DCX: variants seen among roughly 807,000 people sequenced by gnomAD.
DCX encodes the protein doublecortin.
DCX carries 4 observed loss-of-function variants against 20.9 expected under a neutral mutation model. The ratio of observed to expected loss-of-function variants is 0.19; its 90% CI spans 0.09 to 0.44. The LOEUF is 0.44. Ranked by LOEUF, DCX falls within the 20% of genes least tolerant of loss-of-function variation. The pLI is 0.99. For missense variants in DCX, 133 were observed against 296.9 expected, an observed-to-expected ratio of 0.45 and a Z score of 4.06; for synonymous variants, 103 against 111.4, an observed-to-expected ratio of 0.92 and a Z score of 0.47.
In DCX at chrX:111,295,856, C is replaced by A. The variant is rs771684624; in HGVS notation, c.*5831G>T. 9.0e-6 allele frequency: 1 copy of A among 111,466 alleles called. No individual in the cohort carries two copies. Among genetic ancestry groups the A allele is most frequent in the Non-Finnish European group, 1.9e-5 (1 of 53,171 alleles). 9.2% of individuals were successfully genotyped at this position (111,466 alleles called of 1,213,427 possible). A position where few individuals can be genotyped will look rare whatever the true frequency, so the allele number is the denominator to read the frequency against. ...TGTAAAGATCTGCTGAGGGGGATTA[C>A]GAATGAAAATGGAGAAGAAGAAAGG... On this transcript the variant is annotated 3_prime_UTR_variant, in exon 7 of 7. Transcript: ENST00000636035.
intron 4 of DCX, 73 bp downstream of exon 4, chrX:111,332,978 C>T (rs1921391191): frequency 2.5e-6 from 2 of 808,423 alleles, no homozygotes; most frequent in African/African-American, 2.1e-5. Flanking sequence ...CCACACCATA[C>T]AAACCCATGG....
chrX:111,339,749 C>T (rs1161856311), intron 3 of DCX, among the ~76,000 whole-genome samples: 2 of 111,891 alleles, frequency 1.8e-5, no homozygotes, highest in Non-Finnish European at 3.8e-5. Flanking sequence ...GTCTGATAGG[C>T]ATCCCATGTT....
At chrX:111,344,559 A>G (rs757071021) in intron 3 of DCX, among the ~76,000 whole-genome samples, 1 of 111,889 alleles carries the variant, frequency 8.9e-6, no homozygotes, top group Non-Finnish European at 1.9e-5. Flanking sequence ...TACAAAATCA[A>G]TGTGCAAAAA....
chrX:111,401,896 A>T (rs1412549187), intron 2 of DCX, among the ~76,000 whole-genome samples: 1 of 112,446 alleles, frequency 8.9e-6, no homozygotes, highest in Non-Finnish European at 1.9e-5. Context: ...TGCACAGAGT[A>T]TATGGCCAAG....
chrX:111,346,338 A>C (rs769435757), intron 3 of DCX, among the ~76,000 whole-genome samples: 1 of 112,480 alleles, frequency 8.9e-6, no homozygotes, highest in Admixed American at 9.5e-5. Flanking sequence ...GGATAAACAA[A>C]ATGTGGTATA....
At chrX:111,374,057 T>G (rs1925333231) in intron 3 of DCX, among the ~76,000 whole-genome samples, 1 of 112,156 alleles carries the variant, frequency 8.9e-6, no homozygotes, top group African/African-American at 3.2e-5. Context: ...CTTTTTCTAT[T>G]TTGATCCTCC....
chrX:111,347,948 C>T (rs1187655616), intron 3 of DCX, among the ~76,000 whole-genome samples: 2 of 111,944 alleles, frequency 1.8e-5, no homozygotes, highest in Non-Finnish European at 3.8e-5. Flanking sequence ...TGTTTTCAAC[C>T]TTTAAAATAG....
Position 111,293,937 on chromosome X carries a change from T to C in DCX, c.*7750A>G, listed in dbSNP as rs146898682. 1.6e-4 allele frequency: 18 copies of C among 112,602 alleles called. No homozygotes were observed. Among genetic ancestry groups the C allele is most frequent in the African/African-American group, 5.8e-4 (18 of 30,925 alleles). 9.3% of individuals were successfully genotyped at this position (112,602 alleles called of 1,213,427 possible). ...ATTGAATGCTGCGAATCTTCAGCAC[T>C]CACAGTTCACAGCACCTTACACACA... On this transcript the variant is annotated 3_prime_UTR_variant, in exon 7 of 7. Coordinates refer to ENST00000636035, the MANE Select transcript of DCX (RefSeq NM_001195553.2).
intron 6 of DCX, among the ~76,000 whole-genome samples, chrX:111,302,680 G>A (rs773778771): frequency 8.9e-6 from 1 of 112,055 alleles, no homozygotes; most frequent in Non-Finnish European, 1.9e-5. Context: ...TCTCATTGTG[G>A]TTATAATTTG....
intron 3 of DCX, among the ~76,000 whole-genome samples, chrX:111,344,217 T>C (rs1922573089): frequency 8.9e-6 from 1 of 112,014 alleles, no homozygotes; most frequent in South Asian, 3.7e-4. Context: ...CTCAATAAAC[T>C]AGGTATTGAT....
rs777887441 is a variant in DCX at position 111,319,071 on chromosome X, G to A, written c.947-6335C>T. ...ACAGGGTGCCAGCAGAGAGTTTCAGGAGATGAGGCTGGAGACAGAGGATAA... is the reference window on the plus strand; with the variant it reads ...ACAGGGTGCCAGCAGAGAGTTTCAGAAGATGAGGCTGGAGACAGAGGATAA... On this transcript the variant is annotated intron_variant, in intron 5 of 6. Coordinates refer to ENST00000636035, the MANE Select transcript of DCX (RefSeq NM_001195553.2). Among the ~76,000 whole-genome samples the A allele has an allele frequency of 5.3e-5, 6 of 112,495 alleles. No individual in the cohort carries two copies. In the East Asian group the frequency reaches 1.1e-3, roughly 21 times the overall value.
intron 3 of DCX, among the ~76,000 whole-genome samples, chrX:111,381,377 G>A (rs1218359491): frequency 9.1e-6 from 1 of 110,094 alleles, no homozygotes; most frequent in Non-Finnish European, 1.9e-5. Flanking sequence ...CCATGACACA[G>A]GGAACCCCAA....
intron 1 of DCX, chrX:111,411,099 C>T: frequency 1.8e-6 from 1 of 566,361 alleles, no homozygotes; most frequent in Middle Eastern, 4.8e-4. Flanking sequence ...TCATCAAACC[C>T]TTTCCCCACC....
chrX:111,350,142 C>T (rs1355422017), intron 3 of DCX, among the ~76,000 whole-genome samples: 1 of 111,526 alleles, frequency 9.0e-6, no homozygotes, highest in South Asian at 3.9e-4. Context: ...CTTGTTAGTG[C>T]TCCCCATTGG....
intron 5 of DCX, among the ~76,000 whole-genome samples, chrX:111,324,050 G>C (rs1461719429): frequency 9.0e-6 from 1 of 111,609 alleles, no homozygotes; most frequent in Non-Finnish European, 1.9e-5. Context: ...TAATTCTATT[G>C]TCAGACAAAG....
At position 111,312,658 on chromosome X, in the gene DCX, C is replaced by T; in HGVS notation, c.1025G>A (p.Ser342Asn). Residue 342 changes from serine (S) to asparagine (N), a missense_variant, in exon 6 of 7, where the codon AGC (serine) becomes AAC (asparagine). This residue lies in a region of DCX where 68 missense variants were observed against 84.3 expected (regional missense o/e 0.81). Transcript: ENST00000636035. ...ACATAATACCTTGTGCTTCCGGAGG[C>T]TGCCAGGACTGGTGGGCGTAGAGAT... ...SPISTPTSPG[S>N]LRKHKVDLYL... The T allele has an allele frequency of 1.7e-6, 2 of 1,211,606 alleles. No homozygotes were observed. The highest frequency in any genetic ancestry group is 2.2e-6 in the Non-Finnish European group (2 of 895,380).
chrX:111,316,102 A>AAT (rs1423705409), intron 5 of DCX, among the ~76,000 whole-genome samples: 1 of 106,347 alleles, frequency 9.4e-6, no homozygotes, highest in Non-Finnish European at 1.9e-5. Flanking sequence ...AAAAAAAAAA[A>AAT]AAAAAAAATG....
intron 2 of DCX, among the ~76,000 whole-genome samples, chrX:111,407,802 G>GCACACGCACA (rs1928320025): frequency 1.1e-5 from 1 of 90,275 alleles, no homozygotes; most frequent in African/African-American, 4.0e-5. Context: ...ACATCAATAC[G>GCACACGCACA]CACACACACA....
intron 2 of DCX, among the ~76,000 whole-genome samples, chrX:111,404,901 G>A (rs1292038463): frequency 8.9e-6 from 1 of 112,270 alleles, no homozygotes; most frequent in Non-Finnish European, 1.9e-5. Context: ...CTTGGAGCTG[G>A]ATGAGGTGTG....
Sources: allele counts gnomAD v4.1 joint callset (sites outside exome capture counted in the v4.1 genomes callset), GRCh38; gene constraint gnomAD v4.1.1; regional missense constraint gnomAD v4.1.1; transcripts MANE v1.5; gene names NCBI Gene and HGNC (gene_info 2026-07-23, HGNC 2026-07-21).